The following SLC4A9 variants were observed in gnomAD, a reference collection of about 807,000 sequenced individuals.
SLC4A9 encodes solute carrier family 4 member 9.
SLC4A9 carries 102 observed loss-of-function variants against 103.2 expected under a neutral mutation model. The observed-to-expected ratio is 0.99, with a 90% CI of 0.84 to 1.17. The LOEUF (loss-of-function observed/expected upper bound fraction) is 1.17. SLC4A9 is among the 50% of genes most tolerant of loss of function. The pLI is 0.00. For missense variants in SLC4A9, 1,091 were observed against 1,193.7 expected (o/e 0.91, Z 1.27); for synonymous variants, 453 against 483.6 (o/e 0.94, Z 0.83).
Position 140,364,509 on chromosome 5 carries a change from G to A in SLC4A9, c.1535G>A (p.Ser512Asn). The A allele has an allele frequency of 1.2e-6, 2 of 1,611,544 alleles. No individual in the cohort carries two copies. Among genetic ancestry groups the A allele is most frequent in the Non-Finnish European group, 1.7e-6 (2 of 1,178,752 alleles). ...FTEEGFCALI[S>N]LIFIYDAVGK... Reference sequence around the variant, plus strand: ...GAGGAAGGTTTCTGTGCCCTCATCAGCCTCATCTTCATCTACGATGCTGTG... The same window carrying A: ...GAGGAAGGTTTCTGTGCCCTCATCAACCTCATCTTCATCTACGATGCTGTG... The change falls in exon 11 of 22, where the codon AGC becomes AAC. Residue 512 changes from serine to asparagine, a missense_variant. Coordinates refer to ENST00000506757, the MANE Select transcript of SLC4A9 (RefSeq NM_031467.3).
At chr5:140,373,346 A>C (rs748045496) in intron 21 of SLC4A9, among the ~76,000 whole-genome samples, 1 of 152,190 alleles carries the variant, frequency 6.6e-6, no homozygotes, top group African/African-American at 2.4e-5. Flanking sequence ...TTGGTACTAG[A>C]GATACAGTAG....
chr5:140,361,399 A>T, intron 3 of SLC4A9, 32 bp downstream of exon 3: 3 of 1,519,052 alleles, frequency 2.0e-6, no homozygotes, highest in South Asian at 2.4e-5. Flanking sequence ...CAGGACCAAG[A>T]CCCTGGTGTG....
chr5:140,363,624 G>A lies in SLC4A9; in HGVS notation c.1079+69G>A. 1.9e-6 allele frequency: 3 copies of A among 1,566,642 alleles called. No homozygotes were observed. ...GGGGAGGAGTCACAGGGAAACTGAG[G>A]TGTGTGCTCACTGTGGGAGGGGCTC... On this transcript the variant is annotated intron_variant, in intron 8 of 21. Coordinates refer to ENST00000506757, the MANE Select transcript of SLC4A9 (RefSeq NM_031467.3). This position sits in a 1 kb window ranked among gnomAD's most constrained non-coding sequence, Gnocchi z 4.5.
At position 140,364,140 on chromosome 5, in the gene SLC4A9, C is replaced by A; in HGVS notation, c.1341C>A (p.Ser447Arg). 6.3e-7 allele frequency: 1 copy of A among 1,593,644 alleles called. No individual in the cohort carries two copies. ...GCCAGCCCCTCACCATTCTGAGCAG[C>A]ACGGGGCCAGTGCTGGTCTTTGAGC... ...MAGQPLTILS[S>R]TGPVLVFERL... Residue 447 changes from serine (S) to arginine (R), a missense_variant, in exon 10 of 22, where the codon AGC becomes AGA. Physicochemically the swap from Ser to Arg is moderately radical, Grantham distance 110 (BLOSUM62 -1). Coordinates refer to ENST00000506757, the MANE Select transcript of SLC4A9 (RefSeq NM_031467.3).
intron 21 of SLC4A9, among the ~76,000 whole-genome samples, 195 bp downstream of exon 21, chr5:140,373,038 C>A (rs1272280872): frequency 6.6e-6 from 1 of 152,128 alleles, no homozygotes; most frequent in Non-Finnish European, 1.5e-5. Flanking sequence ...GGGCTTGGCT[C>A]CCTGTGGTTC....
chr5:140,366,188 C>T lies in SLC4A9; in HGVS notation c.1937C>T (p.Ala646Val). The change falls in exon 14 of 22, where the codon GCC (alanine) becomes GTC (valine). Residue 646 changes from alanine to valine, a missense_variant. By Grantham distance (64) the Ala-to-Val change is moderately conservative (BLOSUM62 0). Transcript: ENST00000506757. ...KGLSDFSSVL[A>V]ILLGCGLDAF... ...CTCAGCGACTTCTCCTCAGTCCTGG[C>T]CATCCTGCTCGGCTGTGGCCTTGAT... 1 of 1,612,402 alleles carries T rather than the reference C, an allele frequency of 6.2e-7. No individual in the cohort carries two copies. Among genetic ancestry groups the T allele is most frequent in the Non-Finnish European group, 8.5e-7 (1 of 1,179,110 alleles).
chr5:140,366,060 T>A (rs991915650), intron 13 of SLC4A9, 38 bp downstream of exon 13: 1 of 1,612,438 alleles, frequency 6.2e-7, no homozygotes, highest in Non-Finnish European at 8.5e-7. Flanking sequence ...GAGGCCTGAC[T>A]CTAAGCTTTG....
chr5:140,372,564 T>C (rs1561630559), intron 20 of SLC4A9, 167 bp downstream of exon 20: 1 of 1,442,910 alleles, frequency 6.9e-7, no homozygotes, highest in Non-Finnish European at 9.1e-7. Flanking sequence ...GTGAAGGAAA[T>C]CTTTCTTCAT....
rs368340870 is a variant in SLC4A9 at position 140,372,283 on chromosome 5, C to T, written c.2712C>T (p.Val904=). The change falls in exon 20 of 22, where the codon GTC becomes GTT. Residue 904 remains valine, a synonymous_variant. Coordinates refer to ENST00000506757, the MANE Select transcript of SLC4A9 (RefSeq NM_031467.3). ...LVGVRKALER[V]FSPQELLWLD... is the part of the protein sequence containing the mutation. ...GGGTCCGAAAGGCCCTGGAGAGGGT[C>T]TTCTCACCACAGGAACTCCTCTGGC... The T allele has an allele frequency of 3.5e-5, 56 of 1,599,512 alleles. No homozygotes were observed. The African/African-American group carries it at 7.6e-4, about 22-fold the overall frequency.
At chr5:140,372,887 T>C in intron 21 of SLC4A9, 44 bp downstream of exon 21, 1 of 1,250,378 alleles carries the variant, frequency 8.0e-7, no homozygotes, top group Non-Finnish European at 1.1e-6. Flanking sequence ...GGATGGGAGG[T>C]GCGGGTTCAG....
At position 140,366,925 on chromosome 5, in the gene SLC4A9, T is replaced by C. The variant is rs191017712; in HGVS notation, c.2014-495T>C. On this transcript the variant is annotated intron_variant, in intron 14 of 21. Coordinates refer to ENST00000506757, the MANE Select transcript of SLC4A9 (RefSeq NM_031467.3). ...TGCCTTTGCATTTGGAGACCTCCTCTCCAAATTCCCCCAAGACAGGAGAGC... is the reference window on the plus strand; with the variant it reads ...TGCCTTTGCATTTGGAGACCTCCTCCCCAAATTCCCCCAAGACAGGAGAGC... Among the ~76,000 whole-genome samples, 1,056 of 152,284 alleles carry C rather than the reference T, an allele frequency of 6.9e-3. 11 individuals are homozygous for C. Among genetic ancestry groups the C allele is most frequent in the Middle Eastern group, 0.014 (4 of 294 alleles).
rs749609830 is a variant in SLC4A9, at chr5:140,364,458, T to G, written c.1484T>G (p.Leu495Arg). 3 of 1,613,496 alleles carry G rather than the reference T, an allele frequency of 1.9e-6. No homozygotes were observed. The South Asian group carries it at 3.3e-5, about 18-fold the overall frequency. Reference protein sequence around the residue: ...LVLVATEASVLVRYFTRFTEE... With the variant: ...LVLVATEASVRVRYFTRFTEE... The stretch of plus-strand genomic sequence containing the variant: ...CTGGTGGCCACAGAGGCCAGTGTGC[T>G]GGTGCGCTACTTCACCCGCTTCACT... The change falls in exon 11 of 22, where the codon CTG (leucine) becomes CGG (arginine). Residue 495 changes from leucine (L) to arginine (R), a missense_variant. Transcript: ENST00000506757.
rs536404069 is a variant in SLC4A9, at chr5:140,367,638, C to G, written c.2175+57C>G. On this transcript the variant is annotated intron_variant, in intron 15 of 21. Transcript: ENST00000506757. ...GGGACAGAAGCTCCAGGGGAGTCTA[C>G]GCTCCTCCTCTCCTACCTCAGAGGA... is the stretch of plus-strand genomic sequence containing the variant. 2.5e-6 allele frequency: 4 copies of G among 1,600,004 alleles called. No individual in the cohort carries two copies. The Admixed American group carries it at 5.1e-5, about 20-fold the overall frequency.
At position 140,360,344 on chromosome 5, in the gene SLC4A9, C is replaced by G; in HGVS notation, c.108C>G (p.Ser36Arg). 1 of 1,611,140 alleles carries G rather than the reference C, an allele frequency of 6.2e-7. No homozygotes were observed. The highest frequency in any genetic ancestry group is 8.5e-7 in the Non-Finnish European group (1 of 1,178,662). Residue 36 changes from serine to arginine, a missense_variant, in exon 1 of 22, where the codon AGC becomes AGG. Transcript: ENST00000506757. ...ACCCTGACCCTGGCACCGGCCCCAGCCCTGATGGCCCCTCAGACACAGAGA... is the reference window on the plus strand; with the variant it reads ...ACCCTGACCCTGGCACCGGCCCCAGGCCTGATGGCCCCTCAGACACAGAGA... Reference protein sequence around the residue: ...DSNPDPGTGPSPDGPSDTESK... With the variant: ...DSNPDPGTGPRPDGPSDTESK...
intron 10 of SLC4A9, 39 bp from the exon 11 acceptor site, chr5:140,364,324 G>C: frequency 6.2e-7 from 1 of 1,609,830 alleles, no homozygotes; most frequent in Non-Finnish European, 8.5e-7. Flanking sequence ...GAAGCAGACA[G>C]CCCTGCTAAG....
At position 140,362,712 on chromosome 5, in the gene SLC4A9, G is replaced by A. The variant is rs1426312927; in HGVS notation, c.807+180G>A. Among the ~76,000 whole-genome samples, 12 of 152,310 alleles carry A rather than the reference G, an allele frequency of 7.9e-5. No individual in the cohort carries two copies. The East Asian group carries it at 2.3e-3, about 29-fold the overall frequency. On this transcript the variant is annotated intron_variant, in intron 6 of 21. Transcript: ENST00000506757. The stretch of plus-strand genomic sequence containing the variant: ...TGAAGTTTCCTCGTCTCCTAGTGCA[G>A]CCCCATTACTGGATGAGTGCTGGCA...
intron 17 of SLC4A9, among the ~76,000 whole-genome samples, chr5:140,370,079 G>A (rs750926410): frequency 1.3e-5 from 2 of 152,074 alleles, no homozygotes; most frequent in African/African-American, 4.8e-5. Context: ...CACATGCCAC[G>A]CACTGTTCTA....
In SLC4A9 at chr5:140,372,281, G is replaced by GTC. The variant is rs1768840143; in HGVS notation, c.2712_2713dup (p.Phe905SerfsTer13). 6.3e-7 allele frequency: 1 copy of GTC among 1,597,620 alleles called. No homozygotes were observed. Among genetic ancestry groups the GTC allele is most frequent in the Admixed American group, 1.9e-5 (1 of 54,050 alleles). On this transcript the variant is annotated frameshift_variant, in exon 20 of 22. Transcript: ENST00000506757. LOFTEE classifies it high-confidence loss of function. The stretch of plus-strand genomic sequence containing the variant: ...GGGGGTCCGAAAGGCCCTGGAGAGG[G>GTC]TCTTCTCACCACAGGAACTCCTCTG...
rs1193096539 is a variant in SLC4A9, at chr5:140,368,689, G to A, written c.2427+30G>A. 1.4e-5 allele frequency: 23 copies of A among 1,590,316 alleles called. No individual in the cohort carries two copies. In the Admixed American group the frequency reaches 3.4e-4, roughly 23 times the overall value. The stretch of plus-strand genomic sequence containing the variant: ...CTTTGTTATACAAGCCAGGATCAGG[G>A]TCAGTGTAGTAATAATAGGAGCACA... On this transcript the variant is annotated intron_variant, in intron 17 of 21. Coordinates refer to ENST00000506757, the MANE Select transcript of SLC4A9 (RefSeq NM_031467.3).
Sources: gnomAD v4.1 joint callset for allele counts (sites outside exome capture counted in the v4.1 genomes callset) on GRCh38, gnomAD v4.1.1 for gene constraint, Gnocchi (gnomAD v3.1) non-coding constraint, MANE v1.5 for transcripts, NCBI Gene and HGNC (gene_info 2026-07-23, HGNC 2026-07-21) for gene names.